Variants in TRAF3 observed in about 807,000 individuals in gnomAD.
TRAF3 encodes TNF receptor-associated factor 3.
TRAF3 carries 13 observed loss-of-function variants against 62.3 expected under a neutral mutation model. The observed-to-expected ratio is 0.21, with a 90% CI of 0.14 to 0.33. The LOEUF (loss-of-function observed/expected upper bound fraction) is 0.33. Ranked by LOEUF, TRAF3 falls within the 10% of genes least tolerant of loss-of-function variation. TRAF3 has a pLI of 1.00. For missense variants in TRAF3, 440 were observed against 741.8 expected (o/e 0.59, Z 4.73); for synonymous variants, 269 against 283.4 (o/e 0.95, Z 0.51).
chr14:102,839,930 G>A (rs1245008365), intron 2 of TRAF3, among the ~76,000 whole-genome samples: 1 of 152,150 alleles, frequency 6.6e-6, no homozygotes, highest in East Asian at 1.9e-4. Flanking sequence ...AGACATCTCT[G>A]AGAATGAAAA....
chr14:102,803,960 G>A (rs1407522662), intron 1 of TRAF3, among the ~76,000 whole-genome samples: 1 of 152,192 alleles, frequency 6.6e-6, no homozygotes, highest in Non-Finnish European at 1.5e-5. Context: ...CACTTTGAGA[G>A]GCTCAGGCCG....
chr14:102,783,463 T>C (rs548863869), intron 1 of TRAF3, among the ~76,000 whole-genome samples: 1 of 152,316 alleles, frequency 6.6e-6, no homozygotes, highest in East Asian at 1.9e-4. Flanking sequence ...ATGCTGGAAA[T>C]TAAACCTGCT....
At chr14:102,864,460 GT>G (rs1887867730) in intron 2 of TRAF3, among the ~76,000 whole-genome samples, 1 of 152,040 alleles carries the variant, frequency 6.6e-6, no homozygotes, top group South Asian at 2.1e-4. Context: ...GTTTTTGCCA[GT>G]TTTTAAAATG....
At chr14:102,791,041 A>C (rs1213105354) in intron 1 of TRAF3, among the ~76,000 whole-genome samples, 3 of 138,828 alleles carry the variant, frequency 2.2e-5, no homozygotes, top group African/African-American at 8.1e-5. Context: ...TTTTTTCGAG[A>C]GGGAGTCTCG....
At chr14:102,779,856 C>T (rs987928451) in intron 1 of TRAF3, among the ~76,000 whole-genome samples, 4 of 152,238 alleles carry the variant, frequency 2.6e-5, no homozygotes, top group Admixed American at 2.6e-4. Context: ...TCTAACCTAT[C>T]AAGTATTATG....
chr14:102,902,415 C>T (rs1890350529), intron 10 of TRAF3, among the ~76,000 whole-genome samples: 1 of 152,208 alleles, frequency 6.6e-6, no homozygotes, highest in Non-Finnish European at 1.5e-5. Flanking sequence ...TTCTGGGGAA[C>T]CCCCTGCAGC....
At chr14:102,896,573 G>A (rs1284272676) in intron 9 of TRAF3, among the ~76,000 whole-genome samples, 2 of 152,140 alleles carry the variant, frequency 1.3e-5, no homozygotes, top group African/African-American at 4.8e-5. Flanking sequence ...GTATAAGTGG[G>A]GTGATACATA....
At chr14:102,900,598 G>C (rs1422026200) in intron 10 of TRAF3, among the ~76,000 whole-genome samples, 1 of 152,234 alleles carries the variant, frequency 6.6e-6, no homozygotes, top group Admixed American at 6.5e-5. Context: ...GGGGTCCACA[G>C]GGCACACGTA....
chr14:102,791,509 A>G (rs2139413716), intron 1 of TRAF3, among the ~76,000 whole-genome samples: 1 of 152,262 alleles, frequency 6.6e-6, no homozygotes, highest in East Asian at 1.9e-4. Flanking sequence ...TGGTATATAG[A>G]AACAACTGAT....
chr14:102,853,426 C>T (rs1163167363), intron 2 of TRAF3, among the ~76,000 whole-genome samples: 2 of 152,058 alleles, frequency 1.3e-5, no homozygotes, highest in African/African-American at 2.4e-5. Flanking sequence ...CCCCCACCAC[C>T]GTTTTTTACC....
chr14:102,812,812 A>ATTG (rs1218596242), intron 1 of TRAF3, among the ~76,000 whole-genome samples: 23 of 150,048 alleles, frequency 1.5e-4, no homozygotes, highest in African/African-American at 4.3e-4. Flanking sequence ...CCAGCTACTC[A>ATTG]GGAGGCTGAG....
chr14:102,809,556 G>A (rs1439154102), intron 1 of TRAF3, among the ~76,000 whole-genome samples: 8 of 137,428 alleles, frequency 5.8e-5, no homozygotes, highest in African/African-American at 8.4e-5. Flanking sequence ...TTTTTGAGAC[G>A]GAGTCTTGCT....
intron 1 of TRAF3, among the ~76,000 whole-genome samples, chr14:102,789,592 A>ATG (rs1482075128): frequency 3.2e-3 from 342 of 106,678 alleles, no homozygotes; most frequent in African/African-American, 0.011. Flanking sequence ...ACAAAAGGAT[A>ATG]TATGTGTGTG....
At chr14:102,859,382 T>C (rs1333131857) in intron 2 of TRAF3, among the ~76,000 whole-genome samples, 1 of 152,240 alleles carries the variant, frequency 6.6e-6, no homozygotes, top group Non-Finnish European at 1.5e-5. Flanking sequence ...GTACTAGGTA[T>C]GGAGCCTAGG....
At chr14:102,836,692 A>G (rs1343715209) in intron 2 of TRAF3, among the ~76,000 whole-genome samples, 2 of 152,230 alleles carry the variant, frequency 1.3e-5, no homozygotes, top group African/African-American at 2.4e-5. Flanking sequence ...AATTTATTCT[A>G]GAGAGTTTAT....
intron 1 of TRAF3, among the ~76,000 whole-genome samples, chr14:102,788,988 CT>C (rs1422927931): frequency 6.6e-6 from 1 of 152,104 alleles, no homozygotes; most frequent in Non-Finnish European, 1.5e-5. Context: ...AGAAAAACAA[CT>C]TTTCATCCCC....
At chr14:102,811,252 G>A (rs1284596452) in intron 1 of TRAF3, among the ~76,000 whole-genome samples, 1 of 151,354 alleles carries the variant, frequency 6.6e-6, no homozygotes, top group Admixed American at 6.6e-5. Flanking sequence ...CATGAGCCCC[G>A]TTGCTGCTGT....
chr14:102,896,459 A>G (rs1320302467), intron 9 of TRAF3, among the ~76,000 whole-genome samples: 2 of 151,910 alleles, frequency 1.3e-5, no homozygotes, highest in Non-Finnish European at 2.9e-5. Context: ...AGGGACTAGT[A>G]TTTTCTTAAA....
At chr14:102,869,311 G>C (rs1008186283) in intron 2 of TRAF3, among the ~76,000 whole-genome samples, 2 of 152,120 alleles carry the variant, frequency 1.3e-5, no homozygotes, top group Admixed American at 6.5e-5. Context: ...AACAACCCCT[G>C]GGCTCCAGAA....
Sources: allele counts gnomAD v4.1 joint callset (sites outside exome capture counted in the v4.1 genomes callset), GRCh38; gene constraint gnomAD v4.1.1; transcripts MANE v1.5; gene names NCBI Gene and HGNC (gene_info 2026-07-23, HGNC 2026-07-21).